The following PEX7 variants were observed in gnomAD, a reference collection of about 807,000 sequenced individuals.
PEX7 encodes PTS2 receptor.
Under a neutral mutation model 47.5 loss-of-function variants are expected in PEX7, and 34 were observed. The ratio of observed to expected loss-of-function variants is 0.72; its 90% CI spans 0.54 to 0.95. The LOEUF is 0.95. PEX7 is among the 40% of genes least tolerant of loss of function. The pLI, the probability that PEX7 is intolerant of heterozygous loss-of-function variation, is 0.00. For synonymous variants in PEX7, 141 were observed against 148.8 expected (o/e 0.95, Z 0.38); for missense variants, 394 against 400.3 (o/e 0.98, Z 0.13).
In PEX7 at chr6:136,898,142, A is replaced by AT. The variant is rs1464766327; in HGVS notation, c.806dup (p.Trp270LeufsTer7). 2 of 1,584,168 alleles carry AT rather than the reference A, an allele frequency of 1.3e-6. No homozygotes were observed. Among genetic ancestry groups the AT allele is most frequent in the African/African-American group, 2.7e-5 (2 of 74,254 alleles). On this transcript the variant is annotated frameshift_variant and splice_region_variant, in exon 9 of 10. Coordinates refer to ENST00000318471, the MANE Select transcript of PEX7 (RefSeq NM_000288.4). LOFTEE classifies it high-confidence loss of function. Reference sequence around the variant, plus strand: ...TATTCCCTTTTATTTATCTTCACAGATTCTGGAACTTTTCAAAGCCTGACT... The same window carrying AT: ...TATTCCCTTTTATTTATCTTCACAGATTTCTGGAACTTTTCAAAGCCTGACT...
chr6:136,906,211 G>T (rs964076012), intron 9 of PEX7, among the ~76,000 whole-genome samples: 1 of 152,154 alleles, frequency 6.6e-6, no homozygotes, highest in African/African-American at 2.4e-5. Flanking sequence ...AATGAACATG[G>T]TTCTAAAAAT....
At chr6:136,849,461 A>C (rs1774695412) in intron 5 of PEX7, among the ~76,000 whole-genome samples, 1 of 151,998 alleles carries the variant, frequency 6.6e-6, no homozygotes, top group Non-Finnish European at 1.5e-5. Context: ...TCAATTTTAG[A>C]TCTTTCCTTC....
intron 8 of PEX7, among the ~76,000 whole-genome samples, chr6:136,882,175 CTT>C (rs35653586): frequency 4.2e-4 from 44 of 104,296 alleles, no homozygotes; most frequent in Middle Eastern, 5.4e-3. Context: ...TCTTCTTCTT[CTT>C]TTTTTTTTTT....
chr6:136,840,184 T>G (rs530854127), intron 3 of PEX7, among the ~76,000 whole-genome samples: 1 of 152,300 alleles, frequency 6.6e-6, no homozygotes, highest in East Asian at 1.9e-4. Flanking sequence ...CATTATAAAA[T>G]ACATGTAAGA....
chr6:136,850,263 AG>A (rs1269652463), intron 5 of PEX7, among the ~76,000 whole-genome samples: 2 of 151,742 alleles, frequency 1.3e-5, no homozygotes, highest in Non-Finnish European at 2.9e-5. Context: ...TCTGCACGTG[AG>A]ATGGGTCTCC....
chr6:136,882,172 C>G lies in PEX7; in HGVS notation c.803+9919C>G, dbSNP rs1242064184. 3.9e-5 allele frequency among the ~76,000 whole-genome samples: 5 copies of G among 129,218 alleles called. No individual in the cohort carries two copies. The East Asian group carries it at 1.1e-3, about 28-fold the overall frequency. The allele number at this position is 129,218 out of a possible 152,430, so 84.8% of individuals were successfully genotyped here. ...CTTAATTGCTTTTCCCCCTCTTCTT[C>G]TTCTTTTTTTTTTTTTTTTTTTTTT... On this transcript the variant is annotated intron_variant, in intron 8 of 9. Coordinates refer to ENST00000318471, the MANE Select transcript of PEX7 (RefSeq NM_000288.4).
chr6:136,884,051 T>C (rs1283566315), intron 8 of PEX7, among the ~76,000 whole-genome samples: 1 of 152,212 alleles, frequency 6.6e-6, no homozygotes, highest in Non-Finnish European at 1.5e-5. Context: ...TCGAAGACTT[T>C]CTTGTAACAA....
chr6:136,913,162 A>T (rs1562762398), intron 9 of PEX7, among the ~76,000 whole-genome samples: 1 of 152,210 alleles, frequency 6.6e-6, no homozygotes, highest in Non-Finnish European at 1.5e-5. Flanking sequence ...GTAGGGAATT[A>T]TGTAGCTGTT....
At chr6:136,901,870 C>T (rs1775758769) in intron 9 of PEX7, among the ~76,000 whole-genome samples, 1 of 152,204 alleles carries the variant, frequency 6.6e-6, no homozygotes, top group Non-Finnish European at 1.5e-5. Context: ...ACTGCAGCCT[C>T]CGTCTTCTGG....
At chr6:136,862,687 A>G (rs1433142902) in intron 5 of PEX7, among the ~76,000 whole-genome samples, 5 of 152,096 alleles carry the variant, frequency 3.3e-5, no homozygotes, top group African/African-American at 7.2e-5. Flanking sequence ...CCTGAATTTT[A>G]TAAGTTGTAA....
chr6:136,910,021 A>G (rs113996646), intron 9 of PEX7, among the ~76,000 whole-genome samples: 2,512 of 152,288 alleles, frequency 0.016, 69 homozygotes, highest in African/African-American at 0.054. Context: ...TTTGTGTCCT[A>G]TGGTATAAAA....
chr6:136,900,167 A>T lies in PEX7; in HGVS notation c.903+1926A>T, dbSNP rs540436901. 6.3e-6 allele frequency: 1 copy of T among 157,958 alleles called. No homozygotes were observed. Among genetic ancestry groups the T allele is most frequent in the Non-Finnish European group, 1.4e-5 (1 of 72,432 alleles). 9.8% of individuals were successfully genotyped at this position (157,958 alleles called of 1,614,324 possible). ...TAAATCCTCCACACATAGTAGGCCT[A>T]CCTTATTAAAAGCAACTTTGTGATG... On this transcript the variant is annotated intron_variant, in intron 9 of 9. Coordinates refer to ENST00000318471, the MANE Select transcript of PEX7 (RefSeq NM_000288.4). The surrounding 1 kb of genome is among the most constrained non-coding windows in gnomAD (Gnocchi z 4.2).
At chr6:136,903,336 C>CT (rs552573661) in intron 9 of PEX7, among the ~76,000 whole-genome samples, 55,629 of 126,266 alleles carry the variant, frequency 0.44, 13,407 homozygotes, top group Middle Eastern at 0.52. Flanking sequence ...CTTTCTTTCT[C>CT]TTTTTTTTTT....
intron 9 of PEX7, among the ~76,000 whole-genome samples, chr6:136,910,892 C>T (rs9494594): frequency 0.52 from 79,556 of 151,894 alleles, 20,867 homozygotes; most frequent in South Asian, 0.58. Flanking sequence ...AATCAGATAA[C>T]GAACTTCATT....
intron 3 of PEX7, chr6:136,829,950 T>TA (rs961823587): frequency 0.017 from 8,083 of 486,942 alleles, no homozygotes; most frequent in South Asian, 0.019. Flanking sequence ...AGAAAGTTAT[T>TA]AAAAAAAAAA....
intron 9 of PEX7, among the ~76,000 whole-genome samples, chr6:136,902,644 T>G (rs1477984410): frequency 1.3e-5 from 2 of 152,144 alleles, no homozygotes; most frequent in South Asian, 2.1e-4. Context: ...TTATCCTTCT[T>G]ATTTCTAAAT....
chr6:136,901,725 A>G (rs900428739), intron 9 of PEX7, among the ~76,000 whole-genome samples: 51 of 152,344 alleles, frequency 3.3e-4, no homozygotes, highest in African/African-American at 1.2e-3. Context: ...TGAAGAATTC[A>G]TAGTCACTTA....
At chr6:136,878,281 T>C (rs969519493) in intron 8 of PEX7, among the ~76,000 whole-genome samples, 1 of 152,162 alleles carries the variant, frequency 6.6e-6, no homozygotes, top group African/African-American at 2.4e-5. Context: ...CTCTTCCTAT[T>C]TGAAATCCCT....
chr6:136,865,570 A>T (rs985092158), intron 5 of PEX7, among the ~76,000 whole-genome samples: 3 of 151,996 alleles, frequency 2.0e-5, no homozygotes, highest in Non-Finnish European at 4.4e-5. Context: ...AAGGGTAGGG[A>T]TTACAGGCGT....
Sources: gnomAD v4.1 joint callset for allele counts (sites outside exome capture counted in the v4.1 genomes callset) on GRCh38, gnomAD v4.1.1 for gene constraint, Gnocchi (gnomAD v3.1) non-coding constraint, MANE v1.5 for transcripts, NCBI Gene and HGNC (gene_info 2026-07-23, HGNC 2026-07-21) for gene names.